Variants in CSMD3 observed in about 807,000 individuals in gnomAD.
CSMD3 encodes the protein CUB and sushi domain-containing protein 3.
In CSMD3, 177 loss-of-function variants were observed where a neutral mutation model predicts 435.2. The ratio of observed to expected loss-of-function variants is 0.41; its 90% CI spans 0.36 to 0.46. The LOEUF is 0.46. Ranked by LOEUF, CSMD3 falls within the 20% of genes least tolerant of loss-of-function variation. The pLI is 0.34. For synonymous variants in CSMD3, 1,656 were observed against 1,520.5 expected (o/e 1.09, Z -2.07); for missense variants, 4,265 against 4,504.6 (o/e 0.95, Z 1.52).
At chr8:113,342,212 A>G (rs190135993) in intron 1 of CSMD3, among the ~76,000 whole-genome samples, 26 of 152,294 alleles carry the variant, frequency 1.7e-4, no homozygotes, top group Admixed American at 1.7e-3. Context: ...AAATGAAACT[A>G]TCTGAGACAA....
At chr8:113,371,277 A>G (rs191964146) in intron 1 of CSMD3, among the ~76,000 whole-genome samples, 78 of 152,222 alleles carry the variant, frequency 5.1e-4, no homozygotes, top group African/African-American at 1.7e-3. Context: ...AAAAACATTT[A>G]TAAGGTAGCT....
intron 2 of CSMD3, chr8:113,310,985 A>T (rs1469699753): frequency 6.6e-6 from 1 of 152,036 alleles, no homozygotes. Flanking sequence ...TTCTAATCAC[A>T]CATTAGACAT....
chr8:112,420,056 G>T (rs957053250), intron 32 of CSMD3, among the ~76,000 whole-genome samples: 2 of 151,818 alleles, frequency 1.3e-5, no homozygotes, highest in African/African-American at 4.8e-5. Context: ...TACACATTTT[G>T]TAGAACATGT....
intron 5 of CSMD3, among the ~76,000 whole-genome samples, chr8:113,020,076 T>C (rs2086630508): frequency 7.1e-6 from 1 of 140,612 alleles, no homozygotes. Flanking sequence ...GGCAGGAGAA[T>C]GGCGTGAACC....
chr8:113,011,368 G>A (rs189775206), intron 6 of CSMD3, among the ~76,000 whole-genome samples: 2 of 151,822 alleles, frequency 1.3e-5, no homozygotes, highest in East Asian at 3.9e-4. Context: ...CTAGCATTGT[G>A]TTTCCAATGT....
chr8:112,994,283 A>G (rs544931932), intron 6 of CSMD3, among the ~76,000 whole-genome samples: 1 of 151,832 alleles, frequency 6.6e-6, no homozygotes, highest in South Asian at 2.1e-4. Context: ...TTTTCATCAG[A>G]CCTGTCCAAC....
intron 13 of CSMD3, among the ~76,000 whole-genome samples, chr8:112,698,920 G>T (rs1587000980): frequency 6.6e-6 from 1 of 152,004 alleles, no homozygotes; most frequent in African/African-American, 2.4e-5. Flanking sequence ...TCAGCACTCT[G>T]TAAAAACGCA....
At chr8:112,284,689 A>C (rs1441413912) in intron 58 of CSMD3, among the ~76,000 whole-genome samples, 1 of 151,898 alleles carries the variant, frequency 6.6e-6, no homozygotes, top group Non-Finnish European at 1.5e-5. Flanking sequence ...ACATTTTCAT[A>C]ATTGTGTGTT....
chr8:112,468,232 G>GTGTTTTTTTTTTTTT (rs1818152244), intron 32 of CSMD3, among the ~76,000 whole-genome samples: 1 of 114,882 alleles, frequency 8.7e-6, no homozygotes, highest in Non-Finnish European at 1.8e-5. Context: ...ATTGCCTAAA[G>GTGTTTTTTTTTTTTT]TATTTTTTTT....
intron 3 of CSMD3, among the ~76,000 whole-genome samples, chr8:113,224,248 C>T (rs920838363): frequency 1.3e-4 from 19 of 151,132 alleles, no homozygotes; most frequent in African/African-American, 4.4e-4. Flanking sequence ...ATACTAATTC[C>T]TCTTTGGTTG....
chr8:112,486,047 G>A (rs1820098790), intron 31 of CSMD3, among the ~76,000 whole-genome samples: 1 of 149,118 alleles, frequency 6.7e-6, no homozygotes, highest in Non-Finnish European at 1.5e-5. Context: ...ATAGGCCTTT[G>A]TATACTGTCC....
rs5894122 is a variant in CSMD3, at chr8:112,937,352, G to GTTT, written c.1508+10435_1508+10437dup. ...TTTGTTTTTGGACCTAGGTAATAAT[G>GTTT]TTTTTTTTTTTTTTTTGAGACAGAG... On this transcript the variant is annotated intron_variant, in intron 9 of 70. Transcript: ENST00000297405. Among the ~76,000 whole-genome samples, 198 of 135,272 alleles carry GTTT rather than the reference G, an allele frequency of 1.5e-3. 4 individuals are homozygous for GTTT. The highest frequency in any genetic ancestry group is 4.7e-3 in the African/African-American group (169 of 36,324). 88.7% of individuals were successfully genotyped at this position (135,272 alleles called of 152,430 possible).
chr8:113,335,459 T>G (rs1014860126), intron 1 of CSMD3, among the ~76,000 whole-genome samples: 4 of 151,806 alleles, frequency 2.6e-5, no homozygotes, highest in African/African-American at 9.7e-5. Context: ...TTCTCTATTT[T>G]GTTGTTTTGT....
chr8:112,564,305 C>G (rs571331586), intron 24 of CSMD3, among the ~76,000 whole-genome samples: 1 of 150,568 alleles, frequency 6.6e-6, no homozygotes, highest in Admixed American at 6.6e-5. Flanking sequence ...TTTCCTTCTT[C>G]CTCTCCTTCC....
intron 4 of CSMD3, among the ~76,000 whole-genome samples, chr8:113,135,998 G>A (rs1292705119): frequency 6.6e-6 from 1 of 151,834 alleles, no homozygotes; most frequent in Non-Finnish European, 1.5e-5. Flanking sequence ...ATCAGGCACT[G>A]TTAGATATTG....
intron 3 of CSMD3, among the ~76,000 whole-genome samples, chr8:113,271,138 T>C (rs1232511618): frequency 2.0e-5 from 3 of 152,086 alleles, no homozygotes; most frequent in Non-Finnish European, 4.4e-5. Flanking sequence ...TATTCTGTTT[T>C]AAAACGGAAA....
intron 5 of CSMD3, among the ~76,000 whole-genome samples, chr8:113,082,399 A>G (rs1056846099): frequency 7.9e-5 from 12 of 152,182 alleles, no homozygotes; most frequent in African/African-American, 2.7e-4. Context: ...AGCTAAGTAA[A>G]TCATACAAAG....
chr8:112,434,254 A>G (rs1814064414), intron 32 of CSMD3, among the ~76,000 whole-genome samples: 1 of 152,212 alleles, frequency 6.6e-6, no homozygotes, highest in Middle Eastern at 3.2e-3. Context: ...AATATTAAAT[A>G]AGATAATGCA....
Position 112,287,047 on chromosome 8 carries a change from T to C in CSMD3, c.9331+17A>G. The C allele has an allele frequency of 6.2e-7, 1 of 1,606,244 alleles. No homozygotes were observed. The highest frequency in any genetic ancestry group is 8.5e-7 in the Non-Finnish European group (1 of 1,173,086). ...AATCCAGTAGTTGCAATATATTTAA[T>C]TTCTGCTTGAGATTACCTTTGCACT... On this transcript the variant is annotated intron_variant, in intron 58 of 70. Coordinates refer to ENST00000297405, the MANE Select transcript of CSMD3 (RefSeq NM_198123.2).
Sources: gnomAD v4.1 joint callset for allele counts (sites outside exome capture counted in the v4.1 genomes callset) on GRCh38, gnomAD v4.1.1 for gene constraint, MANE v1.5 for transcripts, NCBI Gene and HGNC (gene_info 2026-07-23, HGNC 2026-07-21) for gene names.